MBP: variants seen among roughly 807,000 people sequenced by gnomAD.
The protein encoded by MBP is myelin basic protein, also known as Golli-MBP.
A neutral mutation model predicts 35.8 loss-of-function variants in MBP; 16 were observed. The observed-to-expected ratio is 0.45, with a 90% CI of 0.30 to 0.68. The LOEUF (loss-of-function observed/expected upper bound fraction) is 0.68, where lower values mean the gene tolerates loss of function less well. Ranked by LOEUF, MBP falls within the 30% of genes least tolerant of loss-of-function variation. The pLI is 0.08. For synonymous variants in MBP, 143 were observed against 159.6 expected (o/e 0.90, Z 0.78); for missense variants, 380 against 404.7 (o/e 0.94, Z 0.52).
intron 4 of MBP, among the ~76,000 whole-genome samples, chr18:77,002,555 C>T (rs903545768): frequency 7.7e-5 from 11 of 142,178 alleles, no homozygotes; most frequent in Non-Finnish European, 1.3e-4. Context: ...GAAAGCAAGG[C>T]GTCTTGGTTT....
In MBP at chr18:77,078,269, T is replaced by C. The variant is rs1974742515; in HGVS notation, c.52-11884A>G. Reference sequence around the variant, plus strand: ...TGGCAAACGGCATCTTCCGAGGGGCTGAAAGCTGCTTTTTGTCTACCTTCC... The same window carrying C: ...TGGCAAACGGCATCTTCCGAGGGGCCGAAAGCTGCTTTTTGTCTACCTTCC... On this transcript the variant is annotated intron_variant, in intron 2 of 8. Coordinates refer to ENST00000355994, the MANE Select transcript of MBP (RefSeq NM_001025101.2). 2.0e-5 allele frequency among the ~76,000 whole-genome samples: 3 copies of C among 152,346 alleles called. No individual in the cohort carries two copies. In the South Asian group the frequency reaches 6.2e-4, roughly 32 times the overall value.
rs772485459 is a variant in MBP at position 76,980,455 on chromosome 18, C to T, written c.887G>A (p.Arg296His). 27 of 1,613,534 alleles carry T rather than the reference C, an allele frequency of 1.7e-5. No individual in the cohort carries two copies. The South Asian group carries it at 1.9e-4, about 11-fold the overall frequency. ...GCGTCTAGCCATGGGTGATCCAGAG[C>T]GACTATCTCTTCCTCCCTGAAAAGG... ...KIFKLGGRDS[R>H]SGSPMARR The change falls in exon 9 of 9, where the codon CGC (arginine) becomes CAC (histidine). Residue 296 changes from arginine (R) to histidine (H), a missense_variant. Physicochemically the swap from Arg to His is conservative, Grantham distance 29. Coordinates refer to ENST00000355994, the MANE Select transcript of MBP (RefSeq NM_001025101.2).
intron 4 of MBP, among the ~76,000 whole-genome samples, chr18:77,012,191 ACT>A (rs776018959): frequency 3.9e-5 from 6 of 152,146 alleles, no homozygotes; most frequent in Non-Finnish European, 7.3e-5. Flanking sequence ...CATCTCATAC[ACT>A]CATTATCATC....
intron 3 of MBP, among the ~76,000 whole-genome samples, chr18:77,052,980 A>C (rs527471850): frequency 6.6e-6 from 1 of 152,312 alleles, no homozygotes; most frequent in African/African-American, 2.4e-5. Context: ...GTGTGAGTCC[A>C]CGCTAGACCT....
At chr18:77,032,952 C>A (rs773999192) in intron 3 of MBP, among the ~76,000 whole-genome samples, 3 of 152,118 alleles carry the variant, frequency 2.0e-5, no homozygotes, top group Non-Finnish European at 2.9e-5. Flanking sequence ...GCCAATATGG[C>A]TGACTTTGTT....
Position 76,989,596 on chromosome 18 carries a change from TA to T in MBP, c.681+359del. ...CGGTTTCGCTGCCCGAAAAATGCCC[TA>T]AAAATGCCCTGTGCTCTCTCTGCTG... On this transcript the variant is annotated intron_variant, in intron 5 of 8. Coordinates refer to ENST00000355994, the MANE Select transcript of MBP (RefSeq NM_001025101.2). This position sits in a 1 kb window ranked among gnomAD's most constrained non-coding sequence, Gnocchi z 4.0. 1 of 276,178 alleles carries T rather than the reference TA, an allele frequency of 3.6e-6. No individual in the cohort carries two copies. Among genetic ancestry groups the T allele is most frequent in the Non-Finnish European group, 7.0e-6 (1 of 142,518 alleles). The allele number at this position is 276,178 out of a possible 1,614,324, so 17.1% of individuals were successfully genotyped here.
chr18:77,014,400 A>G, intron 4 of MBP: 2 of 985,082 alleles, frequency 2.0e-6, no homozygotes, highest in Non-Finnish European at 2.4e-6. Context: ...TGCCAGGAAA[A>G]CCTCGTTCTA....
chr18:77,096,517 C>G (rs1975763533), intron 2 of MBP, among the ~76,000 whole-genome samples: 1 of 152,192 alleles, frequency 6.6e-6, no homozygotes, highest in South Asian at 2.1e-4. Flanking sequence ...AAGTTACTCT[C>G]CACTGTAAAA....
Position 77,016,931 on chromosome 18 carries a change from C to G in MBP, c.477G>C (p.Arg159Ser). 1.1e-5 allele frequency: 17 copies of G among 1,614,208 alleles called. No individual in the cohort carries two copies. Among genetic ancestry groups the G allele is most frequent in the Non-Finnish European group, 1.4e-5 (17 of 1,180,042 alleles). Reference protein sequence around the residue: ...LATASTMDHARHGFLPRHRDT... With the variant: ...LATASTMDHASHGFLPRHRDT... Reference sequence around the variant, plus strand: ...CTCTGTGCCTTGGGAGGAAGCCATGCCTGGCATGGTCCATGGTACTTGCTG... The same window carrying G: ...CTCTGTGCCTTGGGAGGAAGCCATGGCTGGCATGGTCCATGGTACTTGCTG... The change falls in exon 4 of 9, where the codon AGG becomes AGC. Residue 159 changes from arginine to serine, a missense_variant. Transcript: ENST00000355994.
At position 77,025,321 on chromosome 18, in the gene MBP, G is replaced by T. The variant is rs527870611; in HGVS notation, c.140-8053C>A. ...GTGGCTAGCAGCTGCTTCACGGAGG[G>T]CTGACCAGGAGAGACCCAGAGGCTT... On this transcript the variant is annotated intron_variant, in intron 3 of 8. Transcript: ENST00000355994. Among the ~76,000 whole-genome samples, 14 of 152,332 alleles carry T rather than the reference G, an allele frequency of 9.2e-5. No homozygotes were observed. The East Asian group carries it at 2.5e-3, about 27-fold the overall frequency.
rs527397316 is a variant in MBP, at chr18:77,035,533, G to A, written c.140-18265C>T. Among the ~76,000 whole-genome samples the A allele has an allele frequency of 6.6e-5, 10 of 152,282 alleles. No individual in the cohort carries two copies. In the South Asian group the frequency reaches 1.0e-3, roughly 16 times the overall value. On this transcript the variant is annotated intron_variant, in intron 3 of 8. Transcript: ENST00000355994. ...GCTGAGGAAGGCCAGTGCTCTCCCTGTGCTAGGATGAGAAACGTGCATCAC... is the reference window on the plus strand; with the variant it reads ...GCTGAGGAAGGCCAGTGCTCTCCCTATGCTAGGATGAGAAACGTGCATCAC...
intron 3 of MBP, among the ~76,000 whole-genome samples, chr18:77,026,750 C>A (rs2123555256): frequency 6.6e-6 from 1 of 152,128 alleles, no homozygotes; most frequent in East Asian, 1.9e-4. Flanking sequence ...CCTGTAGTCC[C>A]AGCTCCTCAG....
intron 3 of MBP, among the ~76,000 whole-genome samples, chr18:77,061,796 C>T (rs1381242415): frequency 6.6e-6 from 1 of 152,188 alleles, no homozygotes; most frequent in African/African-American, 2.4e-5. Flanking sequence ...TGAAAACACG[C>T]ACACACCAAT....
chr18:77,130,831 T>C (rs1362141222), intron 1 of MBP, among the ~76,000 whole-genome samples: 1 of 151,820 alleles, frequency 6.6e-6, no homozygotes, highest in Non-Finnish European at 1.5e-5. Context: ...GCGACGTGTC[T>C]TACACTTTCT....
rs1973139738 is a variant in MBP at position 77,044,393 on chromosome 18, CT to C, written c.139+21904del. On this transcript the variant is annotated intron_variant, in intron 3 of 8. Coordinates refer to ENST00000355994, the MANE Select transcript of MBP (RefSeq NM_001025101.2). This position sits in a 1 kb window ranked among gnomAD's most constrained non-coding sequence, Gnocchi z 4.4. ...CTGCCGTGGTGCCAGCCCCCTGCCC[CT>C]CTCCTCCACCTCCATAGATCAGGCT... is the stretch of plus-strand genomic sequence containing the variant. Among the ~76,000 whole-genome samples the C allele has an allele frequency of 6.6e-6, 1 of 152,136 alleles. No individual in the cohort carries two copies.
chr18:77,092,820 A>G (rs1333555086), intron 2 of MBP, among the ~76,000 whole-genome samples: 1 of 152,166 alleles, frequency 6.6e-6, no homozygotes, highest in African/African-American at 2.4e-5. Flanking sequence ...TTCCTTCAGC[A>G]GCTCCCCTGA....
chr18:77,070,794 T>G (rs546209270), intron 2 of MBP, among the ~76,000 whole-genome samples: 1 of 152,216 alleles, frequency 6.6e-6, no homozygotes. Flanking sequence ...GTTTTCTTCA[T>G]CAGAACCGAG....
In MBP at chr18:76,979,808, G is replaced by A; in HGVS notation, c.*619C>T. The A allele has an allele frequency of 1.7e-6, 1 of 603,314 alleles. No homozygotes were observed. Among genetic ancestry groups the A allele is most frequent in the Non-Finnish European group, 3.0e-6 (1 of 338,552 alleles). 37.4% of individuals were successfully genotyped at this position (603,314 alleles called of 1,614,324 possible). Reference sequence around the variant, plus strand: ...GTGGGCAGCCACGGCCTGGGGAGGTGGCCCCCTCTCTGTGCTGCCCCACGT... The same window carrying A: ...GTGGGCAGCCACGGCCTGGGGAGGTAGCCCCCTCTCTGTGCTGCCCCACGT... On this transcript the variant is annotated 3_prime_UTR_variant, in exon 9 of 9. Transcript: ENST00000355994.
At chr18:77,036,811 G>A (rs12968222) in intron 3 of MBP, among the ~76,000 whole-genome samples, 3 of 134,806 alleles carry the variant, frequency 2.2e-5, no homozygotes, top group Non-Finnish European at 4.7e-5. Flanking sequence ...TGCTGCTCAC[G>A]TTTTGGAGGA....
Sources: gnomAD v4.1 joint callset for allele counts (sites outside exome capture counted in the v4.1 genomes callset) on GRCh38, gnomAD v4.1.1 for gene constraint, Gnocchi (gnomAD v3.1) non-coding constraint, MANE v1.5 for transcripts, NCBI Gene and HGNC (gene_info 2026-07-23, HGNC 2026-07-21) for gene names.